Variants in DNTT observed in about 807,000 individuals in gnomAD.
The protein encoded by DNTT is nucleosidetriphosphate:DNA deoxynucleotidylexotransferase.
Under a neutral mutation model 60.9 loss-of-function variants are expected in DNTT, and 47 were observed. The observed-to-expected ratio is 0.77, with a 90% confidence interval of 0.61 to 0.98. The LOEUF (loss-of-function observed/expected upper bound fraction) is 0.98, where lower values mean the gene tolerates loss of function less well. DNTT is among the 50% of genes least tolerant of loss of function. The pLI is 0.00. For missense variants in DNTT, 665 were observed against 627.5 expected (o/e 1.06, Z -0.64); for synonymous variants, 224 against 221.2 (o/e 1.01, Z -0.11).
intron 1 of DNTT, 39 bp downstream of exon 1, chr10:96,304,739 G>T (rs1368365252): frequency 3.8e-6 from 6 of 1,596,002 alleles, no homozygotes; most frequent in Non-Finnish European, 1.7e-6. Context: ...ATAAGCAGAG[G>T]CTTTGTGAAC....
At chr10:96,331,023 C>A (rs1023209882) in intron 8 of DNTT, among the ~76,000 whole-genome samples, 2 of 152,134 alleles carry the variant, frequency 1.3e-5, no homozygotes, top group East Asian at 3.8e-4. Flanking sequence ...CCACATCTGC[C>A]CTGTGCCATC....
At chr10:96,336,105 T>C (rs1845066003) in intron 10 of DNTT, 131 bp downstream of exon 10, 4 of 889,812 alleles carry the variant, frequency 4.5e-6, no homozygotes, top group Non-Finnish European at 7.3e-6. Flanking sequence ...TTCCAGTTCA[T>C]CATAGTTGAG....
intron 1 of DNTT, among the ~76,000 whole-genome samples, chr10:96,306,908 T>C (rs745718986): frequency 2.2e-4 from 34 of 152,192 alleles, no homozygotes; most frequent in Admixed American, 1.2e-3. Flanking sequence ...TTTAATTGGA[T>C]AGAGAAATAA....
chr10:96,317,159 T>G (rs1332107398), intron 1 of DNTT, among the ~76,000 whole-genome samples: 1 of 152,240 alleles, frequency 6.6e-6, no homozygotes, highest in African/African-American at 2.4e-5. Flanking sequence ...ATGCTGAATG[T>G]GAAGACTTAT....
At position 96,338,219 on chromosome 10, in the gene DNTT, G is replaced by T. The variant is rs770920109; in HGVS notation, c.1525G>T (p.Ala509Ser). 1.2e-6 allele frequency: 2 copies of T among 1,606,832 alleles called. No individual in the cohort carries two copies. The highest frequency in any genetic ancestry group is 2.3e-5 in the South Asian group (2 of 88,698). Residue 509 changes from alanine to serine, a missense_variant, in exon 11 of 11, where the codon GCC (alanine) becomes TCC (serine). Ala to Ser is a moderately conservative substitution (Grantham distance 99). Transcript: ENST00000371174. ...TTATATTGAACCGTGGGAAAGAAAT[G>T]CCTAGGAAAGTGTTGTCAACATTTT... Reference protein sequence around the residue: ...LDYIEPWERNA With the variant: ...LDYIEPWERNS
In DNTT at chr10:96,331,405, C is replaced by T. The variant is rs114741493; in HGVS notation, c.1114-946C>T. On this transcript the variant is annotated intron_variant, in intron 8 of 10. Transcript: ENST00000371174. ...GGTTCTGCAGGATGTATAAGAAGCACGACACCAAGCATCTGCTTCTGGTGC... is the reference window on the plus strand; with the variant it reads ...GGTTCTGCAGGATGTATAAGAAGCATGACACCAAGCATCTGCTTCTGGTGC... Among the ~76,000 whole-genome samples the T allele has an allele frequency of 5.0e-3, 765 of 152,284 alleles. 2 individuals carry two copies. The highest frequency in any genetic ancestry group is 0.017 in the African/African-American group (711 of 41,566).
At chr10:96,316,036 A>G (rs1205174516) in intron 1 of DNTT, among the ~76,000 whole-genome samples, 1 of 152,142 alleles carries the variant, frequency 6.6e-6, no homozygotes, top group African/African-American at 2.4e-5. Context: ...CTCTCTGAGC[A>G]CCAACCTCAG....
Position 96,322,676 on chromosome 10 carries a change from A to G in DNTT, c.698A>G (p.Glu233Gly). The G allele has an allele frequency of 6.2e-7, 1 of 1,602,840 alleles. No individual in the cohort carries two copies. Among genetic ancestry groups the G allele is most frequent in the Non-Finnish European group, 8.5e-7 (1 of 1,171,796 alleles). ...GIIEEIIEDG[E>G]SSEVKAVLND... is the part of the protein sequence containing the mutation. ...CATTAGGAGATTATTGAAGATGGAG[A>G]AAGTTCTGAAGTTAAAGCTGTGTTA... Residue 233 changes from glutamate to glycine, a missense_variant, in exon 5 of 11, where the codon GAA (glutamate) becomes GGA (glycine). Glu to Gly is a moderately conservative substitution (Grantham distance 98). Coordinates refer to ENST00000371174, the MANE Select transcript of DNTT (RefSeq NM_004088.4).
chr10:96,332,733 T>C lies in DNTT; in HGVS notation c.1359+137T>C, dbSNP rs187252164. 3 of 1,311,552 alleles carry C rather than the reference T, an allele frequency of 2.3e-6. No homozygotes were observed. The East Asian group carries it at 7.0e-5, about 30-fold the overall frequency. 81.2% of individuals were successfully genotyped at this position (1,311,552 alleles called of 1,614,324 possible). On this transcript the variant is annotated intron_variant, in intron 9 of 10. Coordinates refer to ENST00000371174, the MANE Select transcript of DNTT (RefSeq NM_004088.4). ...GGGCCAGTACCCAGAAACCTCTAAC[T>C]CAAGGCATCCTGTCCACACATGGCC...
chr10:96,309,600 T>C (rs879568395), intron 1 of DNTT, among the ~76,000 whole-genome samples: 2 of 152,208 alleles, frequency 1.3e-5, no homozygotes, highest in Non-Finnish European at 2.9e-5. Flanking sequence ...ACATGTGGAT[T>C]CTGTCTCACT....
intron 4 of DNTT, among the ~76,000 whole-genome samples, chr10:96,322,068 A>T (rs1020525664): frequency 6.6e-6 from 1 of 152,044 alleles, no homozygotes. Flanking sequence ...GTGGTTCTAC[A>T]CCTCTCCAGG....
At chr10:96,312,014 A>G (rs1023199488) in intron 1 of DNTT, among the ~76,000 whole-genome samples, 2 of 152,250 alleles carry the variant, frequency 1.3e-5, no homozygotes, top group African/African-American at 4.8e-5. Flanking sequence ...AAGGAATAAT[A>G]TCCATAAAAC....
chr10:96,321,704 C>T (rs1196597204), intron 4 of DNTT, among the ~76,000 whole-genome samples: 2 of 152,120 alleles, frequency 1.3e-5, no homozygotes, highest in South Asian at 4.1e-4. Flanking sequence ...CTGGCTGCAA[C>T]CAATTATCAT....
intron 4 of DNTT, among the ~76,000 whole-genome samples, chr10:96,321,542 G>T (rs945101500): frequency 1.3e-5 from 2 of 151,896 alleles, no homozygotes; most frequent in Non-Finnish European, 2.9e-5. Flanking sequence ...ATGCCCACTC[G>T]CCCAATTCCT....
intron 6 of DNTT, 103 bp downstream of exon 6, chr10:96,324,492 A>G (rs1348899147): frequency 6.6e-7 from 1 of 1,515,300 alleles, no homozygotes; most frequent in African/African-American, 1.4e-5. Flanking sequence ...GAGCTGGGAC[A>G]CTTCTTTGAT....
chr10:96,321,476 G>A lies in DNTT; in HGVS notation c.678+688G>A, dbSNP rs568843853. Among the ~76,000 whole-genome samples the A allele has an allele frequency of 2.5e-4, 38 of 152,122 alleles. 2 individuals are homozygous for A. In the South Asian group the frequency reaches 7.1e-3, roughly 28 times the overall value. On this transcript the variant is annotated intron_variant, in intron 4 of 10. Coordinates refer to ENST00000371174, the MANE Select transcript of DNTT (RefSeq NM_004088.4). Reference sequence around the variant, plus strand: ...CACCTGAGGCATTCTTCCCTTTTCCGGTGGAATGCTCCGGAAAGTCATAAT... The same window carrying A: ...CACCTGAGGCATTCTTCCCTTTTCCAGTGGAATGCTCCGGAAAGTCATAAT...
At chr10:96,305,802 A>T (rs747732268) in intron 1 of DNTT, among the ~76,000 whole-genome samples, 1 of 152,216 alleles carries the variant, frequency 6.6e-6, no homozygotes, top group Non-Finnish European at 1.5e-5. Context: ...ACCCTGATTC[A>T]TATGACATTG....
At chr10:96,314,645 C>T (rs1049985008) in intron 1 of DNTT, among the ~76,000 whole-genome samples, 7 of 151,418 alleles carry the variant, frequency 4.6e-5, no homozygotes, top group Non-Finnish European at 1.0e-4. Context: ...ATCTCCTGAC[C>T]TCATGATCTG....
intron 8 of DNTT, among the ~76,000 whole-genome samples, 193 bp downstream of exon 8, chr10:96,329,023 G>A (rs564115473): frequency 1.4e-3 from 137 of 98,592 alleles, no homozygotes; most frequent in African/African-American, 5.0e-3. Context: ...TTATGAATAT[G>A]TCCTGTATCT....
Sources: gnomAD v4.1 joint callset for allele counts (sites outside exome capture counted in the v4.1 genomes callset) on GRCh38, gnomAD v4.1.1 for gene constraint, MANE v1.5 for transcripts, NCBI Gene and HGNC (gene_info 2026-07-23, HGNC 2026-07-21) for gene names.